Variants in PEA15 observed in about 807,000 individuals in gnomAD.
PEA15 encodes proliferation and apoptosis adaptor protein 15.
For synonymous variants in PEA15, 60 were observed against 61.8 expected, an observed-to-expected ratio of 0.97 and a Z score of 0.13; for missense variants, 77 against 161.3, an observed-to-expected ratio of 0.48 and a Z score of 2.83.
chr1:160,211,217 C>T, intron 1 of PEA15: 16 of 866,094 alleles, frequency 1.8e-5, no homozygotes, highest in Non-Finnish European at 2.1e-5. Context: ...AAGTCGGGAG[C>T]AGGTTGCTAT....
intron 1 of PEA15, among the ~76,000 whole-genome samples, chr1:160,210,646 A>C (rs1654831795): frequency 6.6e-6 from 1 of 152,172 alleles, no homozygotes; most frequent in South Asian, 2.1e-4. Flanking sequence ...TGTTGATACG[A>C]TACGAGAAGG....
Position 160,213,189 on chromosome 1 carries a change from C to T in PEA15, c.252C>T (p.Thr84=), listed in dbSNP as rs1557823685. 2 of 1,614,052 alleles carry T rather than the reference C, an allele frequency of 1.2e-6. No individual in the cohort carries two copies. The highest frequency in any genetic ancestry group is 2.2e-5 in the East Asian group (1 of 44,894). Reference sequence around the variant, plus strand: ...TCACTATGGTGGTTGACTACAGAACCCGTGTGCTGAAGATCTCTGAGGAGG... The same window carrying T: ...TCACTATGGTGGTTGACTACAGAACTCGTGTGCTGAAGATCTCTGAGGAGG... ...DLLTMVVDYR[T]RVLKISEEDE... The change falls in exon 3 of 4, where the codon ACC becomes ACT. Residue 84 remains threonine, a synonymous_variant. Coordinates refer to ENST00000360472, the MANE Select transcript of PEA15 (RefSeq NM_003768.5). The surrounding 1 kb of genome is among the most constrained non-coding windows in gnomAD (Gnocchi z 5.3).
chr1:160,207,417 G>GC (rs1357078904), intron 1 of PEA15, among the ~76,000 whole-genome samples: 1 of 152,138 alleles, frequency 6.6e-6, no homozygotes, highest in African/African-American at 2.4e-5. Context: ...AGAGTCCTAG[G>GC]CCCCATTCCC....
rs148960421 is a variant in PEA15 at position 160,209,748 on chromosome 1, T to C, written c.-2-1795T>C. Among the ~76,000 whole-genome samples, 160 of 152,170 alleles carry C rather than the reference T, an allele frequency of 1.1e-3. 1 individual carries two copies. Among genetic ancestry groups the C allele is most frequent in the African/African-American group, 3.6e-3 (149 of 41,528 alleles). ...ACTCATGCCCCCCTACTCATTCTTA[T>C]CTCCATCTCTAGTCCCCTCCCCATC... On this transcript the variant is annotated intron_variant, in intron 1 of 3. Coordinates refer to ENST00000360472, the MANE Select transcript of PEA15 (RefSeq NM_003768.5).
chr1:160,214,197 G>C lies in PEA15; in HGVS notation c.*711G>C, dbSNP rs1207108428. 2 of 152,888 alleles carry C rather than the reference G, an allele frequency of 1.3e-5. No individual in the cohort carries two copies. The highest frequency in any genetic ancestry group is 2.4e-5 in the African/African-American group (1 of 41,418). The allele number at this position is 152,888 out of a possible 1,614,324, so 9.5% of individuals were successfully genotyped here. A position where few individuals can be genotyped will look rare whatever the true frequency, so the allele number is the denominator to read the frequency against. On this transcript the variant is annotated 3_prime_UTR_variant, in exon 4 of 4. Transcript: ENST00000360472. ...TGAGCCTGAGATGGGGATGAGGGCA[G>C]AGAGAGGGGAGCCCCCTCTTCCACT...
rs1352481327 is a variant in PEA15, at chr1:160,208,649, A to G, written c.-2-2894A>G. On this transcript the variant is annotated intron_variant, in intron 1 of 3. Transcript: ENST00000360472. This position sits in a 1 kb window ranked among gnomAD's most constrained non-coding sequence, Gnocchi z 4.1. ...AGCTCTGCCAAGCCCCACCATGGCC[A>G]GGCCAGACCAGCCCAGGTACAACTG... is the stretch of plus-strand genomic sequence containing the variant. 2 of 1,550,430 alleles carry G rather than the reference A, an allele frequency of 1.3e-6. No individual in the cohort carries two copies. The highest frequency in any genetic ancestry group is 2.4e-5 in the South Asian group (2 of 84,060).
At position 160,213,202 on chromosome 1, in the gene PEA15, A is replaced by T; in HGVS notation, c.265A>T (p.Ile89Phe). 1 of 1,614,194 alleles carries T rather than the reference A, an allele frequency of 6.2e-7. No individual in the cohort carries two copies. Among genetic ancestry groups the T allele is most frequent in the Non-Finnish European group, 8.5e-7 (1 of 1,180,026 alleles). Residue 89 changes from isoleucine (I) to phenylalanine (F), a missense_variant, in exon 3 of 4, where the codon ATC (isoleucine) becomes TTC (phenylalanine). By Grantham distance (21) the Ile-to-Phe change is conservative (BLOSUM62 0). Transcript: ENST00000360472. The surrounding 1 kb of genome is among the most constrained non-coding windows in gnomAD (Gnocchi z 5.3). Reference protein sequence around the residue: ...VVDYRTRVLKISEEDELDTKL... With the variant: ...VVDYRTRVLKFSEEDELDTKL... ...TGACTACAGAACCCGTGTGCTGAAGATCTCTGAGGAGGATGAGCTGGACAC... is the reference window on the plus strand; with the variant it reads ...TGACTACAGAACCCGTGTGCTGAAGTTCTCTGAGGAGGATGAGCTGGACAC...
At chr1:160,210,354 G>A (rs574594902) in intron 1 of PEA15, among the ~76,000 whole-genome samples, 4 of 152,310 alleles carry the variant, frequency 2.6e-5, no homozygotes, top group East Asian at 1.9e-4. Flanking sequence ...TTTAAAACAT[G>A]CTTTACTTTT....
At chr1:160,211,995 G>A (rs1173720141) in intron 2 of PEA15, among the ~76,000 whole-genome samples, 1 of 152,132 alleles carries the variant, frequency 6.6e-6, no homozygotes, top group Non-Finnish European at 1.5e-5. Context: ...AAATTGGGAA[G>A]AATTCTAGAC....
rs1654531548 is a variant in PEA15 at position 160,205,582 on chromosome 1, TGGA to T, written c.-3+63_-3+65del. The T allele has an allele frequency of 6.5e-6, 1 of 153,574 alleles. No individual in the cohort carries two copies. The highest frequency in any genetic ancestry group is 1.5e-5 in the Non-Finnish European group (1 of 68,752). 9.5% of individuals were successfully genotyped at this position (153,574 alleles called of 1,614,324 possible). Reference sequence around the variant, plus strand: ...AGGGGCAGATTTCGGGGTCTAGGCTTGGAGGGGCAACGATCTGGGACACCGGGG... The same window carrying T: ...AGGGGCAGATTTCGGGGTCTAGGCTTGGGGCAACGATCTGGGACACCGGGG... On this transcript the variant is annotated intron_variant, in intron 1 of 3. Transcript: ENST00000360472. This position sits in a 1 kb window ranked among gnomAD's most constrained non-coding sequence, Gnocchi z 5.9.
chr1:160,213,006 C>A lies in PEA15; in HGVS notation c.173-104C>A. ...CCTCCAGTGTTGTACCCTCCCATAACCAATGTCAGCAACTCAGCTTTGGTT... is the reference window on the plus strand; with the variant it reads ...CCTCCAGTGTTGTACCCTCCCATAAACAATGTCAGCAACTCAGCTTTGGTT... On this transcript the variant is annotated intron_variant, in intron 2 of 3. Coordinates refer to ENST00000360472, the MANE Select transcript of PEA15 (RefSeq NM_003768.5). The surrounding 1 kb of genome is among the most constrained non-coding windows in gnomAD (Gnocchi z 5.3). 1 of 1,166,206 alleles carries A rather than the reference C, an allele frequency of 8.6e-7. No homozygotes were observed. Among genetic ancestry groups the A allele is most frequent in the South Asian group, 1.3e-5 (1 of 75,716 alleles). The allele number at this position is 1,166,206 out of a possible 1,614,324, so 72.2% of individuals were successfully genotyped here.
rs970193944 is a variant in PEA15 at position 160,214,826 on chromosome 1, G to A, written c.*1340G>A. On this transcript the variant is annotated 3_prime_UTR_variant, in exon 4 of 4. Coordinates refer to ENST00000360472, the MANE Select transcript of PEA15 (RefSeq NM_003768.5). The stretch of plus-strand genomic sequence containing the variant: ...CAGAGACTATTTAGACAAAGTTCAA[G>A]TTAGGAGCTTTTAGGATGTGGGAGT... 3.9e-5 allele frequency: 6 copies of A among 152,664 alleles called. No homozygotes were observed. The highest frequency in any genetic ancestry group is 1.4e-4 in the African/African-American group (6 of 41,454). 9.5% of individuals were successfully genotyped at this position (152,664 alleles called of 1,614,324 possible). A position where few individuals can be genotyped will look rare whatever the true frequency, so the allele number is the denominator to read the frequency against.
At chr1:160,206,909 C>T (rs558277907) in intron 1 of PEA15, among the ~76,000 whole-genome samples, 1 of 152,288 alleles carries the variant, frequency 6.6e-6, no homozygotes, top group South Asian at 2.1e-4. Context: ...CCAGTGATGC[C>T]CTAGGCTGCA....
rs891367362 is a variant in PEA15, at chr1:160,213,135, C to A, written c.198C>A (p.Ile66=). Residue 66 remains isoleucine (I), a synonymous_variant, in exon 3 of 4, where the codon ATC becomes ATA. Transcript: ENST00000360472. This position sits in a 1 kb window ranked among gnomAD's most constrained non-coding sequence, Gnocchi z 5.3. ...DKDNLSYIEH[I]FEISRRPDLL... is the part of the protein sequence containing the mutation. The stretch of plus-strand genomic sequence containing the variant: ...ACAACCTCTCCTACATTGAGCACAT[C>A]TTTGAGATCTCCCGCCGTCCTGACC... 1 of 1,614,044 alleles carries A rather than the reference C, an allele frequency of 6.2e-7. No homozygotes were observed. The highest frequency in any genetic ancestry group is 1.3e-5 in the African/African-American group (1 of 74,922).
Position 160,208,642 on chromosome 1 carries a change from C to T in PEA15, c.-2-2901C>T, listed in dbSNP as rs926194050. ...GGAAACAAGCTCTGCCAAGCCCCACCATGGCCAGGCCAGACCAGCCCAGGT... is the reference window on the plus strand; with the variant it reads ...GGAAACAAGCTCTGCCAAGCCCCACTATGGCCAGGCCAGACCAGCCCAGGT... On this transcript the variant is annotated intron_variant, in intron 1 of 3. Transcript: ENST00000360472. This position sits in a 1 kb window ranked among gnomAD's most constrained non-coding sequence, Gnocchi z 4.1. The T allele has an allele frequency of 6.4e-6, 10 of 1,550,520 alleles. No individual in the cohort carries two copies.
At chr1:160,212,929 TA>T (rs1654937167) in intron 2 of PEA15, among the ~76,000 whole-genome samples, 180 bp from the exon 3 acceptor site, 1 of 152,146 alleles carries the variant, frequency 6.6e-6, no homozygotes, top group Admixed American at 6.5e-5. Context: ...CAGTCCTCTG[TA>T]TTGTTGTTTG....
chr1:160,209,747 A>C (rs1055325147), intron 1 of PEA15, among the ~76,000 whole-genome samples: 1 of 151,026 alleles, frequency 6.6e-6, no homozygotes, highest in Non-Finnish European at 1.5e-5. Flanking sequence ...ACTCATTCTT[A>C]TCTCCATCTC....
chr1:160,209,369 G>A (rs912970294), intron 1 of PEA15, among the ~76,000 whole-genome samples: 2 of 152,080 alleles, frequency 1.3e-5, no homozygotes, highest in African/African-American at 4.8e-5. Flanking sequence ...GGGCCTCCTT[G>A]TATCTTTCAC....
Position 160,213,295 on chromosome 1 carries a change from C to T in PEA15, c.328+30C>T. 6.2e-7 allele frequency: 1 copy of T among 1,614,086 alleles called. No homozygotes were observed. Among genetic ancestry groups the T allele is most frequent in the Non-Finnish European group, 8.5e-7 (1 of 1,179,944 alleles). On this transcript the variant is annotated intron_variant, in intron 3 of 3. Coordinates refer to ENST00000360472, the MANE Select transcript of PEA15 (RefSeq NM_003768.5). This position sits in a 1 kb window ranked among gnomAD's most constrained non-coding sequence, Gnocchi z 5.3. ...GCGGCCACTCCTTTAACTAGCTGCA[C>T]CTCTGCCTCGTCCCGTTGACTATCC...
Sources: gnomAD v4.1 joint callset for allele counts (sites outside exome capture counted in the v4.1 genomes callset) on GRCh38, gnomAD v4.1.1 for gene constraint, Gnocchi (gnomAD v3.1) non-coding constraint, MANE v1.5 for transcripts, NCBI Gene and HGNC (gene_info 2026-07-23, HGNC 2026-07-21) for gene names.